The following RAB3GAP2 variants were observed in gnomAD, a reference collection of about 807,000 sequenced individuals.
RAB3GAP2 encodes rab3 GTPase-activating protein non-catalytic subunit.
Under a neutral mutation model 185.3 loss-of-function variants are expected in RAB3GAP2, and 87 were observed. The observed-to-expected ratio is 0.47, with a 90% CI of 0.39 to 0.56. The LOEUF is 0.56. Ranked by LOEUF, RAB3GAP2 falls within the 20% of genes least tolerant of loss-of-function variation. The pLI is 0.00. For synonymous variants in RAB3GAP2, 554 were observed against 576.1 expected, an observed-to-expected ratio of 0.96 and a Z score of 0.55; for missense variants, 1,492 against 1,638.2, an observed-to-expected ratio of 0.91 and a Z score of 1.54.
At chr1:220,174,299 A>AT (rs1005668709) in intron 21 of RAB3GAP2, among the ~76,000 whole-genome samples, 4 of 151,480 alleles carry the variant, frequency 2.6e-5, no homozygotes, top group Non-Finnish European at 5.9e-5. Context: ...AATGCCTTCT[A>AT]TTTTTTTTCC....
At chr1:220,203,315 A>T (rs1658897983) in intron 8 of RAB3GAP2, among the ~76,000 whole-genome samples, 1 of 152,230 alleles carries the variant, frequency 6.6e-6, no homozygotes, top group Non-Finnish European at 1.5e-5. Context: ...CCCATGCTAC[A>T]TATTAGAATA....
At chr1:220,266,595 A>G in intron 1 of RAB3GAP2, 1 of 958,516 alleles carries the variant, frequency 1.0e-6, no homozygotes, top group Non-Finnish European at 1.7e-6. Flanking sequence ...TATTTCTTTT[A>G]GTGTTCTAGA....
chr1:220,195,522 G>C (rs1658707382), intron 10 of RAB3GAP2, 145 bp from the exon 11 acceptor site: 2 of 723,272 alleles, frequency 2.8e-6, no homozygotes, highest in African/African-American at 1.8e-5. Flanking sequence ...ACAGTAAAAA[G>C]TTTATTTTAG....
In RAB3GAP2 at chr1:220,254,422, G is replaced by T. The variant is rs1362174204; in HGVS notation, c.115+17801C>A. 5 of 1,613,002 alleles carry T rather than the reference G, an allele frequency of 3.1e-6. No homozygotes were observed. In the South Asian group the frequency reaches 3.3e-5, roughly 11 times the overall value. Reference sequence around the variant, plus strand: ...TACACCTCTGGATGAGAAGAGCCTTGCTTTATTACTCAATTATCTTCACGA... The same window carrying T: ...TACACCTCTGGATGAGAAGAGCCTTTCTTTATTACTCAATTATCTTCACGA... On this transcript the variant is annotated intron_variant, in intron 1 of 34. Coordinates refer to ENST00000358951, the MANE Select transcript of RAB3GAP2 (RefSeq NM_012414.4).
chr1:220,212,769 A>G (rs149533801), intron 4 of RAB3GAP2, 118 bp downstream of exon 4: 4 of 865,260 alleles, frequency 4.6e-6, no homozygotes, highest in Non-Finnish European at 7.6e-6. Context: ...CTAGGATTAC[A>G]GATGTGAACC....
intron 1 of RAB3GAP2, among the ~76,000 whole-genome samples, chr1:220,268,841 A>C (rs919950116): frequency 1.3e-5 from 2 of 152,262 alleles, no homozygotes; most frequent in East Asian, 3.8e-4. Flanking sequence ...ACAAGTATTC[A>C]ATCTGTATGT....
At chr1:220,249,088 A>G (rs890214383) in intron 1 of RAB3GAP2, among the ~76,000 whole-genome samples, 2 of 152,180 alleles carry the variant, frequency 1.3e-5, no homozygotes, top group Admixed American at 6.5e-5. Flanking sequence ...TGCCATAAGG[A>G]TACCTGAAAA....
At chr1:220,199,346 G>T (rs1268344326) in intron 9 of RAB3GAP2, among the ~76,000 whole-genome samples, 1 of 152,074 alleles carries the variant, frequency 6.6e-6, no homozygotes, top group East Asian at 1.9e-4. Flanking sequence ...TATGCTCCTT[G>T]TTTGTGATTT....
chr1:220,226,766 G>T (rs1659410395), intron 2 of RAB3GAP2, among the ~76,000 whole-genome samples: 1 of 151,944 alleles, frequency 6.6e-6, no homozygotes, highest in Non-Finnish European at 1.5e-5. Flanking sequence ...GTGTCCCCTT[G>T]CCCCCACCCC....
At chr1:220,231,269 G>T (rs1211867663) in intron 2 of RAB3GAP2, among the ~76,000 whole-genome samples, 1 of 152,140 alleles carries the variant, frequency 6.6e-6, no homozygotes, top group Admixed American at 6.5e-5. Flanking sequence ...TTGAGACTTT[G>T]CATGAGCTGC....
chr1:220,254,161 G>A, intron 1 of RAB3GAP2: 2 of 1,613,658 alleles, frequency 1.2e-6, no homozygotes, highest in African/African-American at 1.3e-5. Flanking sequence ...TGAGGATTAT[G>A]CAAATTACAA....
intron 10 of RAB3GAP2, 135 bp from the exon 11 acceptor site, chr1:220,195,512 A>T: frequency 1.2e-6 from 1 of 802,594 alleles, no homozygotes; most frequent in East Asian, 2.5e-5. Context: ...CTTTCAGAGT[A>T]CAGTAAAAAG....
chr1:220,221,705 C>G (rs1659311008), intron 2 of RAB3GAP2, among the ~76,000 whole-genome samples: 1 of 152,166 alleles, frequency 6.6e-6, no homozygotes, highest in Non-Finnish European at 1.5e-5. Flanking sequence ...TCTTTCTAAA[C>G]AACGCAATAT....
chr1:220,221,687 A>G (rs769511369), intron 2 of RAB3GAP2, among the ~76,000 whole-genome samples: 2 of 152,222 alleles, frequency 1.3e-5, no homozygotes, highest in Non-Finnish European at 1.5e-5. Flanking sequence ...TGCATTATGG[A>G]AAGGAATTCT....
At chr1:220,168,565 AT>A (rs1180197300) in intron 24 of RAB3GAP2, among the ~76,000 whole-genome samples, 1 of 151,228 alleles carries the variant, frequency 6.6e-6, no homozygotes, top group African/African-American at 2.4e-5. Flanking sequence ...GCCCGGCTAA[AT>A]TTTTGTATTT....
intron 1 of RAB3GAP2, among the ~76,000 whole-genome samples, chr1:220,257,598 C>T (rs1261950725): frequency 6.6e-6 from 1 of 152,082 alleles, no homozygotes; most frequent in Non-Finnish European, 1.5e-5. Flanking sequence ...AAACTTACAG[C>T]ACTAAATGCT....
chr1:220,202,513 G>A (rs769863591), intron 8 of RAB3GAP2, 139 bp from the exon 9 acceptor site: 33 of 884,918 alleles, frequency 3.7e-5, no homozygotes, highest in Non-Finnish European at 5.8e-5. Context: ...AAGGCATAAG[G>A]TGAGATTTAT....
intron 7 of RAB3GAP2, 95 bp downstream of exon 7, chr1:220,210,293 C>A (rs1659055214): frequency 2.2e-6 from 2 of 914,876 alleles, no homozygotes; most frequent in Non-Finnish European, 1.8e-6. Flanking sequence ...TGCCACAAGA[C>A]AAAGATCTCT....
intron 8 of RAB3GAP2, among the ~76,000 whole-genome samples, chr1:220,205,153 A>T (rs1658939930): frequency 6.6e-6 from 1 of 152,140 alleles, no homozygotes; most frequent in African/African-American, 2.4e-5. Context: ...ATAAAACAAT[A>T]GTGTATCTTA....
Sources: gnomAD v4.1 joint callset for allele counts (sites outside exome capture counted in the v4.1 genomes callset) on GRCh38, gnomAD v4.1.1 for gene constraint, MANE v1.5 for transcripts, NCBI Gene and HGNC (gene_info 2026-07-23, HGNC 2026-07-21) for gene names.